TAOK1: variants seen among roughly 807,000 people sequenced by gnomAD.
The protein encoded by TAOK1 is serine/threonine-protein kinase TAO1.
TAOK1 carries 21 observed loss-of-function variants against 138.3 expected under a neutral mutation model. The ratio of observed to expected loss-of-function variants is 0.15; its 90% CI spans 0.11 to 0.22. TAOK1 has a LOEUF of 0.22. Among genes scored for constraint, TAOK1 ranks in the 10% least tolerant of loss-of-function variants. The pLI, the probability that TAOK1 is intolerant of heterozygous loss-of-function variation, is 1.00. For missense variants in TAOK1, 651 were observed against 1,227.7 expected, an observed-to-expected ratio of 0.53 and a Z score of 7.02; for synonymous variants, 361 against 398.4, an observed-to-expected ratio of 0.91 and a Z score of 1.12.
chr17:29,456,619 A>T (rs1389691240), intron 2 of TAOK1, among the ~76,000 whole-genome samples: 1 of 150,716 alleles, frequency 6.6e-6, no homozygotes, highest in Admixed American at 6.6e-5. Flanking sequence ...CAGTAAGTGT[A>T]ATGCAAATAT....
chr17:29,471,998 T>G (rs2030829062), intron 3 of TAOK1, among the ~76,000 whole-genome samples: 1 of 152,248 alleles, frequency 6.6e-6, no homozygotes, highest in African/African-American at 2.4e-5. Context: ...TCAGGCTCCA[T>G]GTGTAATTCC....
chr17:29,444,085 A>G (rs1228085426), intron 1 of TAOK1, among the ~76,000 whole-genome samples: 1 of 151,344 alleles, frequency 6.6e-6, no homozygotes. Flanking sequence ...CCTGCACTCC[A>G]GCCTGGCTGA....
chr17:29,485,157 A>C (rs145929519), intron 8 of TAOK1, among the ~76,000 whole-genome samples: 125 of 152,248 alleles, frequency 8.2e-4, no homozygotes, highest in African/African-American at 2.9e-3. Context: ...ATAATTTTTC[A>C]TGAGTGGGTT....
At chr17:29,444,165 T>C (rs568624951) in intron 1 of TAOK1, among the ~76,000 whole-genome samples, 1 of 152,102 alleles carries the variant, frequency 6.6e-6, no homozygotes, top group Non-Finnish European at 1.5e-5. Flanking sequence ...TAGTCCTACA[T>C]TTTGTTTAGG....
chr17:29,454,540 T>G (rs2030326748), intron 2 of TAOK1, among the ~76,000 whole-genome samples: 1 of 152,136 alleles, frequency 6.6e-6, no homozygotes, highest in Non-Finnish European at 1.5e-5. Context: ...TTTTGGTAGA[T>G]CTATAGATCA....
chr17:29,536,830 C>A (rs2150776278), intron 19 of TAOK1, among the ~76,000 whole-genome samples: 1 of 151,138 alleles, frequency 6.6e-6, no homozygotes, highest in Non-Finnish European at 1.5e-5. Flanking sequence ...CTCCCGAGTA[C>A]CTGGGACTAC....
intron 13 of TAOK1, among the ~76,000 whole-genome samples, chr17:29,505,684 A>G (rs2031617335): frequency 6.6e-6 from 1 of 151,798 alleles, no homozygotes; most frequent in Non-Finnish European, 1.5e-5. Context: ...CCTGGGGGAC[A>G]AGAGCAAGAC....
At position 29,534,173 on chromosome 17, in the gene TAOK1, A is replaced by T. The variant is rs1167829078; in HGVS notation, c.2417A>T (p.Gln806Leu). Residue 806 changes from glutamine to leucine, a missense_variant, in exon 19 of 20, where the codon CAG becomes CTG. Physicochemically the swap from Gln to Leu is moderately radical, Grantham distance 113. Around this residue, in one of 8 missense-constraint regions of TAOK1, gnomAD observed 258 missense variants for 548.9 expected, o/e 0.47. Coordinates refer to ENST00000261716, the MANE Select transcript of TAOK1 (RefSeq NM_020791.4). ...AECQVLKMQL[Q>L]QELELLNAYQ... is the part of the protein sequence containing the mutation. ...TGCCAGGTTTTGAAGATGCAGCTGC[A>T]GCAGGAACTGGAGCTGTTGAATGCG... is the stretch of plus-strand genomic sequence containing the variant. 6.2e-7 allele frequency: 1 copy of T among 1,613,556 alleles called. No individual in the cohort carries two copies.
At chr17:29,431,631 T>G (rs879873897) in intron 1 of TAOK1, among the ~76,000 whole-genome samples, 2 of 151,852 alleles carry the variant, frequency 1.3e-5, no homozygotes, top group Non-Finnish European at 2.9e-5. Flanking sequence ...TAAATGTAAA[T>G]AAGTATAAGT....
chr17:29,551,129 A>G lies in TAOK1; in HGVS notation c.*8107A>G, dbSNP rs2032486325. ...AAAGGGAATATGTTAATTAAGCAAG[A>G]GGTTCTTTTCTAAAAGTGGTATCTG... On this transcript the variant is annotated 3_prime_UTR_variant, in exon 20 of 20. Coordinates refer to ENST00000261716, the MANE Select transcript of TAOK1 (RefSeq NM_020791.4). The G allele has an allele frequency of 1.3e-5, 2 of 152,194 alleles. No homozygotes were observed. Among genetic ancestry groups the G allele is most frequent in the Admixed American group, 1.3e-4 (2 of 15,282 alleles). The allele number at this position is 152,194 out of a possible 1,614,324, so 9.4% of individuals were successfully genotyped here.
In TAOK1 at chr17:29,451,530, C is replaced by G. The variant is rs369898397; in HGVS notation, c.-19C>G. 114 of 1,600,258 alleles carry G rather than the reference C, an allele frequency of 7.1e-5. No homozygotes were observed. The highest frequency in any genetic ancestry group is 9.4e-5 in the Non-Finnish European group (110 of 1,174,592). On this transcript the variant is annotated 5_prime_UTR_variant, in exon 2 of 20. Coordinates refer to ENST00000261716, the MANE Select transcript of TAOK1 (RefSeq NM_020791.4). ...TAGCAGTATAAAATTAGAATCAAGA[C>G]AGCTGACTGCTCAGCAGGATGCCAT...
chr17:29,397,823 ATG>A (rs1331422459), intron 1 of TAOK1, among the ~76,000 whole-genome samples: 1 of 150,786 alleles, frequency 6.6e-6, no homozygotes, highest in Non-Finnish European at 1.5e-5. Flanking sequence ...ATGTATATAC[ATG>A]TATATATATG....
At chr17:29,532,771 C>T (rs2032142849) in intron 18 of TAOK1, among the ~76,000 whole-genome samples, 1 of 152,024 alleles carries the variant, frequency 6.6e-6, no homozygotes, top group Non-Finnish European at 1.5e-5. Flanking sequence ...GGCAACCATC[C>T]GATTTCTCAA....
intron 17 of TAOK1, among the ~76,000 whole-genome samples, chr17:29,527,925 C>T (rs1048314328): frequency 4.6e-5 from 7 of 152,324 alleles, no homozygotes; most frequent in Admixed American, 4.6e-4. Flanking sequence ...ATTTTCATCT[C>T]AGAAATGTTT....
intron 1 of TAOK1, 78 bp downstream of exon 1, chr17:29,391,102 A>G (rs944198737): frequency 2.6e-5 from 4 of 152,056 alleles, no homozygotes; most frequent in Non-Finnish European, 5.9e-5. Flanking sequence ...CTGTGTGTGG[A>G]AGAAGGGATG....
chr17:29,454,552 T>C (rs1307792618), intron 2 of TAOK1, among the ~76,000 whole-genome samples: 1 of 152,164 alleles, frequency 6.6e-6, no homozygotes, highest in Non-Finnish European at 1.5e-5. Context: ...TATAGATCAC[T>C]GTCTTAATAA....
rs558885358 is a variant in TAOK1 at position 29,416,756 on chromosome 17, G to A, written c.-95+25732G>A. On this transcript the variant is annotated intron_variant, in intron 1 of 19. Coordinates refer to ENST00000261716, the MANE Select transcript of TAOK1 (RefSeq NM_020791.4). ...ATTCAGTGTCATGTTTGATACTACC[G>A]TAGAGAGGCAAAATTTGAACTCATT... 3.9e-5 allele frequency among the ~76,000 whole-genome samples: 6 copies of A among 152,092 alleles called. No homozygotes were observed. The South Asian group carries it at 6.2e-4, about 16-fold the overall frequency.
intron 1 of TAOK1, among the ~76,000 whole-genome samples, chr17:29,429,288 AT>A (rs956521727): frequency 8.1e-5 from 12 of 148,992 alleles, no homozygotes; most frequent in East Asian, 2.0e-4. Flanking sequence ...CTTTCCTCTG[AT>A]TTTTTTTTTC....
chr17:29,529,483 G>A (rs1428883021), intron 17 of TAOK1, among the ~76,000 whole-genome samples: 2 of 152,100 alleles, frequency 1.3e-5, no homozygotes, highest in Admixed American at 1.3e-4. Flanking sequence ...AGTAAACCCA[G>A]CACTTCAGGA....
Sources: allele counts gnomAD v4.1 joint callset (sites outside exome capture counted in the v4.1 genomes callset), GRCh38; gene constraint gnomAD v4.1.1; regional missense constraint gnomAD v4.1.1; transcripts MANE v1.5; gene names NCBI Gene and HGNC (gene_info 2026-07-23, HGNC 2026-07-21).